Variants in ZNF519 observed in about 807,000 individuals in gnomAD.
ZNF519 encodes the protein zinc finger protein 519.
A neutral mutation model predicts 7.4 loss-of-function variants in ZNF519; 7 were observed. The ratio of observed to expected loss-of-function variants is 0.94; its 90% CI spans 0.54 to 1.77. The LOEUF is 1.77. ZNF519 is among the 40% of genes most tolerant of loss of function. The probability of loss-of-function intolerance (pLI) is 0.00; values close to 1 mark genes in which losing one functional copy is unlikely to be tolerated. For synonymous variants in ZNF519, 179 were observed against 203.3 expected, an observed-to-expected ratio of 0.88 and a Z score of 1.02; for missense variants, 586 against 623.1, an observed-to-expected ratio of 0.94 and a Z score of 0.63.
At chr18:14,129,391 G>T (rs2046318533) in intron 1 of ZNF519, among the ~76,000 whole-genome samples, 1 of 152,094 alleles carries the variant, frequency 6.6e-6, no homozygotes, top group Non-Finnish European at 1.5e-5. Context: ...TCAGGAGTGG[G>T]TTAGAAGCAT....
At chr18:14,130,133 G>T (rs2046322486) in intron 1 of ZNF519, among the ~76,000 whole-genome samples, 1 of 150,498 alleles carries the variant, frequency 6.6e-6, no homozygotes, top group Admixed American at 6.6e-5. Flanking sequence ...GTCAGACATG[G>T]ACCACACATT....
Position 14,106,374 on chromosome 18 carries a change from C to A in ZNF519, c.166G>T (p.Glu56Ter). 6.2e-7 allele frequency: 1 copy of A among 1,605,932 alleles called. No homozygotes were observed. Among genetic ancestry groups the A allele is most frequent in the African/African-American group, 1.3e-5 (1 of 74,132 alleles). Residue 56 changes from glutamate to a stop codon, truncating the protein, a stop_gained, in exon 3 of 3, where the codon GAG becomes TAG. Coordinates refer to ENST00000590202, the MANE Select transcript of ZNF519 (RefSeq NM_145287.4). LOFTEE classifies it low-confidence loss of function (END_TRUNC). ...YSYYNQGILP[E>*]QGIQDSFKKA... ...TTGAATGAATCTTGTATGCCTTGCT[C>A]TGGTAAAATGCCTTGGTTGTAATAA...
In ZNF519 at chr18:14,105,136, A is replaced by T; in HGVS notation, c.1404T>A (p.Ala468=). ...GAGTAAGGTGTGAGCCCCAGATAAA[A>T]GCTTTGCCACATTCTTCACATTTGA... ...KSFKCEECGK[A]FIWGSHLTQH... Residue 468 remains alanine (A), a synonymous_variant, in exon 3 of 3, where the codon GCT becomes GCA. Coordinates refer to ENST00000590202, the MANE Select transcript of ZNF519 (RefSeq NM_145287.4). 1 of 1,613,234 alleles carries T rather than the reference A, an allele frequency of 6.2e-7. No homozygotes were observed. The highest frequency in any genetic ancestry group is 1.1e-5 in the South Asian group (1 of 90,972).
intron 2 of ZNF519, among the ~76,000 whole-genome samples, chr18:14,117,798 T>A (rs1237991771): frequency 2.0e-5 from 3 of 152,026 alleles, no homozygotes; most frequent in Non-Finnish European, 4.4e-5. Context: ...ACATGATTTT[T>A]AAAAATAAGA....
rs1280362030 is a variant in ZNF519 at position 14,103,075 on chromosome 18, TTAAA to T, written c.*1838_*1841del. ...GATAATATTACAGGCTATAAATAGATTAAATAATCAAATCCATTATTTGGAGTTT... is the reference window on the plus strand; with the variant it reads ...GATAATATTACAGGCTATAAATAGATTAATCAAATCCATTATTTGGAGTTT... On this transcript the variant is annotated 3_prime_UTR_variant, in exon 3 of 3. Coordinates refer to ENST00000590202, the MANE Select transcript of ZNF519 (RefSeq NM_145287.4). The T allele has an allele frequency of 1.3e-5, 2 of 152,028 alleles. No individual in the cohort carries two copies. Among genetic ancestry groups the T allele is most frequent in the African/African-American group, 4.8e-5 (2 of 41,402 alleles). 9.4% of individuals were successfully genotyped at this position (152,028 alleles called of 1,614,324 possible).
rs1377731416 is a variant in ZNF519, at chr18:14,103,003, G to A, written c.*1914C>T. The A allele has an allele frequency of 2.6e-5, 4 of 151,926 alleles. No homozygotes were observed. The highest frequency in any genetic ancestry group is 7.3e-5 in the African/African-American group (3 of 41,374). The allele number at this position is 151,926 out of a possible 1,614,324, so 9.4% of individuals were successfully genotyped here. A position where few individuals can be genotyped will look rare whatever the true frequency, so the allele number is the denominator to read the frequency against. ...GTAAAGGAAGAATAAAGAAAAATACGTGAGACATAAAAATAGAAAGCAAAA... is the reference window on the plus strand; with the variant it reads ...GTAAAGGAAGAATAAAGAAAAATACATGAGACATAAAAATAGAAAGCAAAA... On this transcript the variant is annotated 3_prime_UTR_variant, in exon 3 of 3. Coordinates refer to ENST00000590202, the MANE Select transcript of ZNF519 (RefSeq NM_145287.4).
intron 3 of ZNF519, among the ~76,000 whole-genome samples, chr18:14,080,563 G>A (rs1270656912): frequency 2.0e-5 from 3 of 151,910 alleles, no homozygotes; most frequent in South Asian, 4.2e-4. Context: ...CTCATGATGC[G>A]CCCGCCTTGT....
At chr18:14,127,872 T>C (rs1369252741) in intron 1 of ZNF519, among the ~76,000 whole-genome samples, 10 of 151,782 alleles carry the variant, frequency 6.6e-5, no homozygotes, top group African/African-American at 2.2e-4. Context: ...TGGGTTGTGA[T>C]TGGAATCCTG....
chr18:14,130,053 GAA>G (rs2046322115), intron 1 of ZNF519, among the ~76,000 whole-genome samples: 1 of 152,160 alleles, frequency 6.6e-6, no homozygotes, highest in African/African-American at 2.4e-5. Context: ...TCAGCTTAAC[GAA>G]AAGAGACACC....
chr18:14,099,481 TCTC>T (rs1214435230), downstream of ZNF519, among the ~76,000 whole-genome samples: 1 of 152,090 alleles, frequency 6.6e-6, no homozygotes, highest in Non-Finnish European at 1.5e-5. Context: ...GCTCCTAACA[TCTC>T]CTCAGAAATC....
Position 14,123,695 on chromosome 18 carries a change from G to A in ZNF519, c.130+655C>T, listed in dbSNP as rs2143164389. Among the ~76,000 whole-genome samples, 3 of 151,954 alleles carry A rather than the reference G, an allele frequency of 2.0e-5. 1 individual carries two copies. In the South Asian group the frequency reaches 6.2e-4, roughly 32 times the overall value. ...TGTGCCACTGCACTCCAGCTTGGGT[G>A]ACAAAGCAAGACTCCGTTTGCAAAA... On this transcript the variant is annotated intron_variant, in intron 2 of 2. Coordinates refer to ENST00000590202, the MANE Select transcript of ZNF519 (RefSeq NM_145287.4).
chr18:14,092,885 T>G (rs916381981), intron 2 of ZNF519, among the ~76,000 whole-genome samples: 10 of 152,144 alleles, frequency 6.6e-5, no homozygotes, highest in Non-Finnish European at 1.2e-4. Context: ...AAACAAACAC[T>G]TACATGGTTT....
chr18:14,088,939 T>A (rs747545242), intron 2 of ZNF519, among the ~76,000 whole-genome samples: 1 of 151,668 alleles, frequency 6.6e-6, no homozygotes, highest in Admixed American at 6.5e-5. Context: ...ATTCTATATG[T>A]AAGATATGTT....
At chr18:14,119,537 G>A (rs912767829) in intron 2 of ZNF519, among the ~76,000 whole-genome samples, 10 of 152,206 alleles carry the variant, frequency 6.6e-5, no homozygotes, top group African/African-American at 1.7e-4. Flanking sequence ...TCATACATAT[G>A]TATATAAAAC....
At chr18:14,119,823 T>G (rs577095481) in intron 2 of ZNF519, among the ~76,000 whole-genome samples, 2 of 152,284 alleles carry the variant, frequency 1.3e-5, no homozygotes, top group Non-Finnish European at 2.9e-5. Flanking sequence ...AGAAACAATT[T>G]TTATTTACAA....
chr18:14,090,843 C>T (rs1207886843), intron 2 of ZNF519: 2 of 152,358 alleles, frequency 1.3e-5, no homozygotes, highest in East Asian at 3.8e-4. Context: ...AAATGCTATA[C>T]TTGAGACACT....
chr18:14,094,178 G>A (rs562659716), intron 2 of ZNF519, among the ~76,000 whole-genome samples: 1 of 152,322 alleles, frequency 6.6e-6, no homozygotes, highest in South Asian at 2.1e-4. Context: ...AGCTCTGTAT[G>A]CCTGGGGCCT....
chr18:14,111,978 G>C, intron 2 of ZNF519, among the ~76,000 whole-genome samples: 1 of 151,912 alleles, frequency 6.6e-6, no homozygotes, highest in Admixed American at 6.6e-5. Flanking sequence ...AAAATCTATA[G>C]GCCAATATCA....
At chr18:14,128,690 AACACACACACACACAC>A (rs71366097) in intron 1 of ZNF519, among the ~76,000 whole-genome samples, 4 of 130,558 alleles carry the variant, frequency 3.1e-5, no homozygotes, top group East Asian at 3.6e-4. Flanking sequence ...TTCTGAGTCA[AACACACACACACACAC>A]ACACACACAC....
Sources: gnomAD v4.1 joint callset for allele counts (sites outside exome capture counted in the v4.1 genomes callset) on GRCh38, gnomAD v4.1.1 for gene constraint, MANE v1.5 for transcripts, NCBI Gene and HGNC (gene_info 2026-07-23, HGNC 2026-07-21) for gene names.